VPS13D: variants seen among roughly 807,000 people sequenced by gnomAD.
The protein encoded by VPS13D is vacuolar protein sorting 13 homolog D.
Under a neutral mutation model 461.9 loss-of-function variants are expected in VPS13D, and 187 were observed. The observed-to-expected ratio is 0.40, with a 90% CI of 0.36 to 0.46. The LOEUF is 0.46. VPS13D is among the 20% of genes least tolerant of loss of function. The pLI is 0.60. For missense variants in VPS13D, 4,711 were observed against 5,364.9 expected, an observed-to-expected ratio of 0.88 and a Z score of 3.81; for synonymous variants, 1,951 against 1,986.3, an observed-to-expected ratio of 0.98 and a Z score of 0.47.
intron 67 of VPS13D, 38 bp downstream of exon 67, chr1:12,460,434 G>T: frequency 4.0e-6 from 6 of 1,507,676 alleles, no homozygotes; most frequent in South Asian, 1.4e-5. Context: ...GCAGTTTCCA[G>T]CCTAGGTCTG....
chr1:12,280,978 A>G (rs1641761615), intron 20 of VPS13D, among the ~76,000 whole-genome samples: 1 of 152,058 alleles, frequency 6.6e-6, no homozygotes, highest in Non-Finnish European at 1.5e-5. Flanking sequence ...ATGTAAGCCT[A>G]TACAAAAGTG....
chr1:12,367,462 TAAGAC>T (rs1370103491), intron 52 of VPS13D, among the ~76,000 whole-genome samples: 2 of 152,220 alleles, frequency 1.3e-5, no homozygotes, highest in East Asian at 3.8e-4. Context: ...GGGAATAATT[TAAGAC>T]AAAGTGAATA....
chr1:12,319,233 C>G (rs567098158), intron 31 of VPS13D, among the ~76,000 whole-genome samples: 1 of 152,296 alleles, frequency 6.6e-6, no homozygotes, highest in African/African-American at 2.4e-5. Context: ...GTTTCTCTGT[C>G]TAGTTTAGAA....
intron 60 of VPS13D, among the ~76,000 whole-genome samples, chr1:12,397,435 C>T (rs905462098): frequency 1.3e-5 from 2 of 152,184 alleles, no homozygotes; most frequent in Non-Finnish European, 2.9e-5. Context: ...TCAGTTACGA[C>T]GCCTTGTGTC....
chr1:12,381,960 TTCTTTCTTTCTTTCTTTCTTTCTCTC>T (rs1644284189), intron 57 of VPS13D, among the ~76,000 whole-genome samples: 3 of 142,706 alleles, frequency 2.1e-5, no homozygotes, highest in African/African-American at 8.1e-5. Context: ...CTTTCTTTCT[TTCTTTCTTTCTTTCTTTCTTTCTCTC>T]TCTCTCTCTC....
intron 44 of VPS13D, 82 bp from the exon 45 acceptor site, chr1:12,348,741 G>C (rs772424889): frequency 3.3e-6 from 5 of 1,520,142 alleles, no homozygotes; most frequent in Non-Finnish European, 4.5e-6. Context: ...ACACTTTTAA[G>C]GTAGACATTC....
At chr1:12,491,234 C>T (rs1469942564) in intron 67 of VPS13D, among the ~76,000 whole-genome samples, 1 of 152,232 alleles carries the variant, frequency 6.6e-6, no homozygotes, top group Non-Finnish European at 1.5e-5. Context: ...TGGCAGCCAT[C>T]AGTTGAATAA....
At chr1:12,371,389 TC>T (rs1644114100) in intron 54 of VPS13D, among the ~76,000 whole-genome samples, 1 of 150,954 alleles carries the variant, frequency 6.6e-6, no homozygotes, top group African/African-American at 2.4e-5. Context: ...AATGCTTCAT[TC>T]TTTTTTTTTT....
chr1:12,291,263 G>A, intron 23 of VPS13D, 139 bp downstream of exon 23: 2 of 934,386 alleles, frequency 2.1e-6, no homozygotes. Flanking sequence ...ATGGTTATGA[G>A]GAGTTCTTCC....
intron 21 of VPS13D, among the ~76,000 whole-genome samples, chr1:12,285,217 T>C (rs1641924659): frequency 6.6e-6 from 1 of 152,106 alleles, no homozygotes; most frequent in South Asian, 2.1e-4. Context: ...CTATAATTCA[T>C]CACATTTACT....
intron 40 of VPS13D, among the ~76,000 whole-genome samples, chr1:12,340,574 GT>G (rs1395256042): frequency 6.6e-6 from 1 of 152,242 alleles, no homozygotes; most frequent in African/African-American, 2.4e-5. Flanking sequence ...ACATGTTGCA[GT>G]TTGTCTTCTC....
In VPS13D at chr1:12,283,571, G is replaced by A. The variant is rs1168361136; in HGVS notation, c.5469G>A (p.Leu1823=). The A allele has an allele frequency of 6.2e-7, 1 of 1,614,242 alleles. No individual in the cohort carries two copies. Among genetic ancestry groups the A allele is most frequent in the Non-Finnish European group, 8.5e-7 (1 of 1,180,048 alleles). Residue 1823 remains leucine, a synonymous_variant, in exon 21 of 70, where the codon CTG becomes CTA. Coordinates refer to ENST00000620676, the MANE Select transcript of VPS13D (RefSeq NM_015378.4). ...DFNCLDVLIT[L]QTWVVILDFF... ...ATTGCTTGGATGTGCTGATCACACT[G>A]CAAACCTGGGTTGTGATATTAGACT...
chr1:12,461,900 A>T (rs1645417917), intron 67 of VPS13D, among the ~76,000 whole-genome samples: 1 of 152,204 alleles, frequency 6.6e-6, no homozygotes, highest in African/African-American at 2.4e-5. Flanking sequence ...CATTCTTTTT[A>T]GGAGCACAAG....
rs1393698658 is a variant in VPS13D, at chr1:12,318,251, A to C, written c.7328A>C (p.Lys2443Thr). The part of the protein sequence containing the change: ...NSSSESAIVP[K>T]TVKSGVVTKR... The stretch of plus-strand genomic sequence containing the variant: ...AGCAGCGAATCTGCTATAGTTCCCA[A>C]AACTGTGAAGAGTGGAGTAGTTACC... The change falls in exon 31 of 70, where the codon AAA becomes ACA. Residue 2443 changes from lysine (K) to threonine (T), a missense_variant. Transcript: ENST00000620676. The C allele has an allele frequency of 6.2e-7, 1 of 1,614,148 alleles. No individual in the cohort carries two copies. Among genetic ancestry groups the C allele is most frequent in the Non-Finnish European group, 8.5e-7 (1 of 1,180,030 alleles).
rs140715962 is a variant in VPS13D, at chr1:12,276,816, A to G, written c.3228A>G (p.Gln1076=). 3 of 1,614,092 alleles carry G rather than the reference A, an allele frequency of 1.9e-6. No individual in the cohort carries two copies. Among genetic ancestry groups the G allele is most frequent in the African/African-American group, 2.7e-5 (2 of 74,930 alleles). Residue 1076 remains glutamine, a synonymous_variant, in exon 19 of 70, where the codon CAA becomes CAG. Transcript: ENST00000620676. The surrounding 1 kb of genome is among the most constrained non-coding windows in gnomAD (Gnocchi z 4.5). The part of the protein sequence containing the change: ...VSLDKILTKE[Q]ESLIKLEYQF... Reference sequence around the variant, plus strand: ...TTGACAAAATTCTTACCAAAGAGCAAGAGTCCCTTATTAAGTTGGAATATC... The same window carrying G: ...TTGACAAAATTCTTACCAAAGAGCAGGAGTCCCTTATTAAGTTGGAATATC...
At chr1:12,368,409 G>C in intron 52 of VPS13D, 59 bp from the exon 53 acceptor site, 1 of 1,539,976 alleles carries the variant, frequency 6.5e-7, no homozygotes, top group South Asian at 1.3e-5. Context: ...TGAGAAGTAA[G>C]TGGATGGCAT....
intron 52 of VPS13D, among the ~76,000 whole-genome samples, chr1:12,367,044 T>C (rs1644045296): frequency 6.6e-6 from 1 of 152,238 alleles, no homozygotes; most frequent in African/African-American, 2.4e-5. Context: ...ATGTCCTTCA[T>C]AGCAACTCCC....
In VPS13D at chr1:12,386,196, G is replaced by A. The variant is rs1190037944; in HGVS notation, c.11496G>A (p.Arg3832=). Residue 3832 remains arginine, a synonymous_variant, in exon 60 of 70, where the codon AGG becomes AGA. Transcript: ENST00000620676. ...TGGTTTCCTTTCAGGTGCTTGTGAGGTTAGAAGGTGGAATTGGGTTGTCCT... is the reference window on the plus strand; with the variant it reads ...TGGTTTCCTTTCAGGTGCTTGTGAGATTAGAAGGTGGAATTGGGTTGTCCT... The part of the protein sequence containing the change: ...DTEQELEVLV[R]LEGGIGLSLI... The A allele has an allele frequency of 1.9e-6, 3 of 1,611,684 alleles. No homozygotes were observed. The highest frequency in any genetic ancestry group is 2.7e-5 in the African/African-American group (2 of 74,966).
At chr1:12,389,131 A>T (rs775767484) in intron 60 of VPS13D, among the ~76,000 whole-genome samples, 3 of 152,228 alleles carry the variant, frequency 2.0e-5, no homozygotes, top group Non-Finnish European at 2.9e-5. Context: ...CCAGCATGGG[A>T]GAAAGATGTA....
Sources: gnomAD v4.1 joint callset for allele counts (sites outside exome capture counted in the v4.1 genomes callset) on GRCh38, gnomAD v4.1.1 for gene constraint, Gnocchi (gnomAD v3.1) non-coding constraint, MANE v1.5 for transcripts, NCBI Gene and HGNC (gene_info 2026-07-23, HGNC 2026-07-21) for gene names.